RBFOX1: variants seen among roughly 807,000 people sequenced by gnomAD.
The protein encoded by RBFOX1 is RNA binding protein fox-1 homolog 1.
In RBFOX1, 8 loss-of-function variants were observed where a neutral mutation model predicts 57.7. The observed-to-expected ratio is 0.14, with a 90% CI of 0.08 to 0.25. RBFOX1 has a LOEUF of 0.25. Ranked by LOEUF, RBFOX1 falls within the 10% of genes least tolerant of loss-of-function variation. RBFOX1 has a pLI of 1.00. For missense variants in RBFOX1, 611 were observed against 548.5 expected (o/e 1.11, Z -1.14); for synonymous variants, 326 against 222.4 (o/e 1.47, Z -4.15).
chr16:6,523,858 T>G (rs777078995), intron 2 of RBFOX1, among the ~76,000 whole-genome samples: 2 of 152,178 alleles, frequency 1.3e-5, no homozygotes, highest in Non-Finnish European at 2.9e-5. Flanking sequence ...TACCACAGTT[T>G]TTTATATTTA....
chr16:7,066,371 G>T (rs1039920751), intron 4 of RBFOX1, among the ~76,000 whole-genome samples: 1 of 152,148 alleles, frequency 6.6e-6, no homozygotes, highest in African/African-American at 2.4e-5. Context: ...CAGTCCCATT[G>T]TGAGGCTAAG....
At chr16:7,045,672 C>T (rs1420685484) in intron 3 of RBFOX1, among the ~76,000 whole-genome samples, 4 of 151,042 alleles carry the variant, frequency 2.6e-5, no homozygotes, top group African/African-American at 7.3e-5. Context: ...TTCAATAGAG[C>T]GAGACATTGT....
chr16:6,121,058 T>G (rs930527682), intron 1 of RBFOX1, among the ~76,000 whole-genome samples: 10 of 152,254 alleles, frequency 6.6e-5, no homozygotes, highest in African/African-American at 2.2e-4. Flanking sequence ...ATGTGTGTCC[T>G]AATATTACAA....
At chr16:5,746,498 G>A (rs1198643458) in intron 3 of RBFOX1, among the ~76,000 whole-genome samples, 4 of 152,108 alleles carry the variant, frequency 2.6e-5, no homozygotes, top group Non-Finnish European at 4.4e-5. Flanking sequence ...AGCTTGATGG[G>A]GATGGCATTG....
chr16:7,119,142 A>T (rs1471935458), intron 4 of RBFOX1, among the ~76,000 whole-genome samples: 1 of 152,176 alleles, frequency 6.6e-6, no homozygotes, highest in Non-Finnish European at 1.5e-5. Context: ...TCTTGATCTG[A>T]GGAAGACCAT....
chr16:5,534,336 C>T (rs2044607945), intron 2 of RBFOX1, among the ~76,000 whole-genome samples: 2 of 152,126 alleles, frequency 1.3e-5, no homozygotes, highest in African/African-American at 4.8e-5. Context: ...CTCATACGAT[C>T]AGAAAGTGAA....
At chr16:6,459,070 T>G (rs2094844658) in intron 2 of RBFOX1, among the ~76,000 whole-genome samples, 1 of 152,240 alleles carries the variant, frequency 6.6e-6, no homozygotes, top group South Asian at 2.1e-4. Flanking sequence ...GCCTGGTGGC[T>G]CACGCCTGTA....
At chr16:5,868,516 G>A (rs984141892) in intron 4 of RBFOX1, among the ~76,000 whole-genome samples, 8 of 152,198 alleles carry the variant, frequency 5.3e-5, no homozygotes, top group East Asian at 3.8e-4. Flanking sequence ...GCAGATTCTC[G>A]CAGGATTCTG....
At chr16:7,313,552 A>G (rs1409055697) in intron 4 of RBFOX1, among the ~76,000 whole-genome samples, 2 of 151,318 alleles carry the variant, frequency 1.3e-5, no homozygotes, top group Non-Finnish European at 2.9e-5. Flanking sequence ...GCAGCTTGTA[A>G]GACCATTTAG....
At chr16:6,802,086 T>A (rs946134388) in intron 3 of RBFOX1, among the ~76,000 whole-genome samples, 2 of 152,102 alleles carry the variant, frequency 1.3e-5, no homozygotes, top group African/African-American at 2.4e-5. Context: ...AAAACTTGTT[T>A]AATCCTAAAC....
intron 15 of RBFOX1, chr16:7,709,629 G>A (rs1312338981): frequency 2.6e-6 from 4 of 1,531,800 alleles, no homozygotes; most frequent in Admixed American, 3.9e-5. Context: ...TAGTCGCCCA[G>A]GAAAGAAAAT....
intron 4 of RBFOX1, among the ~76,000 whole-genome samples, chr16:6,009,713 C>G (rs1187792427): frequency 6.6e-6 from 1 of 152,076 alleles, no homozygotes; most frequent in Non-Finnish European, 1.5e-5. Flanking sequence ...ACCTCCAAGC[C>G]TATCCACAAG....
chr16:7,183,312 G>A (rs1425829270), intron 4 of RBFOX1, among the ~76,000 whole-genome samples: 3 of 152,110 alleles, frequency 2.0e-5, no homozygotes, highest in Non-Finnish European at 4.4e-5. Context: ...AATTTACAGA[G>A]GGTAGTGAGG....
intron 1 of RBFOX1, among the ~76,000 whole-genome samples, chr16:6,181,494 C>G (rs2097062320): frequency 1.3e-5 from 2 of 152,194 alleles, no homozygotes; most frequent in South Asian, 4.1e-4. Context: ...AGAGGAATGT[C>G]TGACTTCCTC....
chr16:7,688,092 C>G (rs766129142), intron 14 of RBFOX1, among the ~76,000 whole-genome samples: 3 of 151,978 alleles, frequency 2.0e-5, no homozygotes, highest in Non-Finnish European at 2.9e-5. Flanking sequence ...ACAGATATCC[C>G]AATACGTACA....
intron 2 of RBFOX1, among the ~76,000 whole-genome samples, chr16:6,417,478 C>T (rs186544831): frequency 8.8e-4 from 116 of 131,554 alleles, no homozygotes; most frequent in African/African-American, 3.2e-3. Context: ...CAATCTCTGT[C>T]TCCTGAGTTC....
intron 4 of RBFOX1, among the ~76,000 whole-genome samples, chr16:7,261,350 T>C (rs552380014): frequency 1.4e-4 from 21 of 152,314 alleles, no homozygotes; most frequent in African/African-American, 4.8e-4. Context: ...TCATCACTAC[T>C]ACTGTCATGA....
intron 3 of RBFOX1, among the ~76,000 whole-genome samples, chr16:5,777,140 G>A (rs935849014): frequency 3.3e-5 from 5 of 152,064 alleles, no homozygotes; most frequent in African/African-American, 1.2e-4. Flanking sequence ...TACAATTCTG[G>A]AGGTCACAAG....
intron 2 of RBFOX1, among the ~76,000 whole-genome samples, chr16:6,599,184 C>G (rs935912341): frequency 1.1e-4 from 17 of 152,158 alleles, no homozygotes; most frequent in Non-Finnish European, 2.5e-4. Flanking sequence ...CATGTTTCTA[C>G]TGTTCTCATC....
Sources: allele counts gnomAD v4.1 joint callset (sites outside exome capture counted in the v4.1 genomes callset), GRCh38; gene constraint gnomAD v4.1.1; transcripts MANE v1.5; gene names NCBI Gene and HGNC (gene_info 2026-07-23, HGNC 2026-07-21).